Variants in USP34 observed in about 807,000 individuals in gnomAD.
USP34 encodes the protein ubiquitin carboxyl-terminal hydrolase 34.
Under a neutral mutation model 460.3 loss-of-function variants are expected in USP34, and 70 were observed. That is an observed-to-expected ratio of 0.15 (90% CI 0.13 to 0.19). USP34 has a LOEUF of 0.19. Among genes scored for constraint, USP34 ranks in the 10% least tolerant of loss-of-function variants. The probability of loss-of-function intolerance (pLI) is 1.00; values close to 1 mark genes in which losing one functional copy is unlikely to be tolerated. For missense variants in USP34, 3,985 were observed against 4,236.2 expected, an observed-to-expected ratio of 0.94 and a Z score of 1.65; for synonymous variants, 1,647 against 1,405.3, an observed-to-expected ratio of 1.17 and a Z score of -3.85.
At chr2:61,194,670 T>G (rs1349922331) in intron 75 of USP34, among the ~76,000 whole-genome samples, 1 of 152,180 alleles carries the variant, frequency 6.6e-6, no homozygotes, top group African/African-American at 2.4e-5. Context: ...AAAAAATATT[T>G]TGGGGCCAGG....
chr2:61,350,504 G>C (rs1691912546), intron 11 of USP34, 64 bp downstream of exon 11: 7 of 1,547,116 alleles, frequency 4.5e-6, no homozygotes, highest in Non-Finnish European at 1.7e-6. Flanking sequence ...TAAATTATCT[G>C]AATCACAAGG....
intron 1 of USP34, among the ~76,000 whole-genome samples, chr2:61,470,405 G>A (rs898034516): frequency 6.6e-6 from 1 of 151,526 alleles, no homozygotes; most frequent in South Asian, 2.1e-4. Flanking sequence ...AGAGCCCAGA[G>A]CGCCCGGGCC....
At chr2:61,342,783 C>T (rs1159748874) in intron 16 of USP34, among the ~76,000 whole-genome samples, 1 of 152,136 alleles carries the variant, frequency 6.6e-6, no homozygotes, top group Admixed American at 6.6e-5. Context: ...ATTCTGTCTA[C>T]AATGGGTTGT....
chr2:61,260,869 G>A (rs1463267823), intron 43 of USP34, among the ~76,000 whole-genome samples: 2 of 152,150 alleles, frequency 1.3e-5, no homozygotes, highest in African/African-American at 4.8e-5. Flanking sequence ...CTAAAGAGCT[G>A]CCTAAATTTA....
At chr2:61,332,770 T>G (rs898918746) in intron 19 of USP34, among the ~76,000 whole-genome samples, 4 of 151,756 alleles carry the variant, frequency 2.6e-5, no homozygotes, top group Non-Finnish European at 5.9e-5. Context: ...AAACAGAACC[T>G]TCACTGGATT....
intron 75 of USP34, among the ~76,000 whole-genome samples, chr2:61,197,029 C>T (rs1046729214): frequency 3.9e-5 from 6 of 152,280 alleles, no homozygotes; most frequent in Non-Finnish European, 7.3e-5. Flanking sequence ...AATCCCAGGA[C>T]TTCGGGAGGC....
rs1689037604 is a variant in USP34, at chr2:61,266,138, C to T, written c.5463G>A (p.Leu1821=). The T allele has an allele frequency of 6.2e-7, 1 of 1,611,988 alleles. No individual in the cohort carries two copies. The highest frequency in any genetic ancestry group is 8.5e-7 in the Non-Finnish European group (1 of 1,178,478). The change falls in exon 42 of 80, where the codon CTG becomes CTA. Residue 1821 remains leucine, a synonymous_variant. Coordinates refer to ENST00000398571, the MANE Select transcript of USP34 (RefSeq NM_014709.4). ...QEFLRDIFNL[L]FLLPSLKDRQ... is the part of the protein sequence containing the mutation. ...GGTCCTTTAGACTTGGCAACAAAAA[C>T]AGGAGATTGAAGATATCTCTCAAAA...
At chr2:61,448,638 TC>T in intron 1 of USP34, among the ~76,000 whole-genome samples, 1 of 152,220 alleles carries the variant, frequency 6.6e-6, no homozygotes. Context: ...AGAAACTGTT[TC>T]CATCCATAGA....
At chr2:61,252,579 C>G (rs1419016394) in intron 48 of USP34, among the ~76,000 whole-genome samples, 1 of 151,958 alleles carries the variant, frequency 6.6e-6, no homozygotes, top group Non-Finnish European at 1.5e-5. Context: ...TTATTTAAAC[C>G]AAGAACACAG....
intron 29 of USP34, among the ~76,000 whole-genome samples, chr2:61,298,019 G>C (rs1204211250): frequency 1.3e-5 from 2 of 152,060 alleles, no homozygotes; most frequent in African/African-American, 2.4e-5. Context: ...CCATTAAAAA[G>C]AGAAATATTG....
intron 50 of USP34, among the ~76,000 whole-genome samples, chr2:61,245,916 T>C (rs2103869137): frequency 6.6e-6 from 1 of 152,174 alleles, no homozygotes; most frequent in South Asian, 2.1e-4. Flanking sequence ...ATTAACTTGA[T>C]AAAAGGATAA....
At position 61,378,433 on chromosome 2, in the gene USP34, A is replaced by G. The variant is rs558964790; in HGVS notation, c.1015-9T>C. 1.1e-5 allele frequency: 18 copies of G among 1,575,476 alleles called. No homozygotes were observed. The African/African-American group carries it at 1.4e-4, about 12-fold the overall frequency. The stretch of plus-strand genomic sequence containing the variant: ...AAGGTATGGAGTTGATTCTATGATT[A>G]AAGACAAGAAATTAAGGGTTTTTAT... On this transcript the variant is annotated splice_polypyrimidine_tract_variant and intron_variant, in intron 7 of 79. Transcript: ENST00000398571.
At chr2:61,350,785 G>A in intron 10 of USP34, 92 bp from the exon 11 acceptor site, 10 of 1,348,710 alleles carry the variant, frequency 7.4e-6, no homozygotes, top group South Asian at 1.6e-5. Flanking sequence ...TCAAAAAGTT[G>A]GCCAGTACAC....
intron 1 of USP34, among the ~76,000 whole-genome samples, chr2:61,452,125 G>C (rs1280648038): frequency 1.3e-5 from 2 of 148,302 alleles, no homozygotes; most frequent in Admixed American, 1.4e-4. Context: ...AGTGAGCCGA[G>C]ATCATGCCAC....
At chr2:61,229,025 A>G (rs1687809158) in intron 59 of USP34, 30 bp from the exon 60 acceptor site, 2 of 1,489,654 alleles carry the variant, frequency 1.3e-6, no homozygotes, top group Non-Finnish European at 1.8e-6. Context: ...ATCTTAGAGA[A>G]TGTATGAGGT....
intron 53 of USP34, among the ~76,000 whole-genome samples, chr2:61,236,643 G>A (rs1174527305): frequency 6.6e-6 from 1 of 152,116 alleles, no homozygotes; most frequent in Non-Finnish European, 1.5e-5. Context: ...AATGCTGCAA[G>A]AATTCTGAAA....
chr2:61,198,557 CT>C (rs11340973), intron 75 of USP34, among the ~76,000 whole-genome samples: 19,684 of 139,326 alleles, frequency 0.14, 1,328 homozygotes, highest in Non-Finnish European at 0.16. Context: ...ATCTGATAGA[CT>C]TTTTTTTTTT....
chr2:61,291,545 T>C (rs2103977591), intron 33 of USP34, among the ~76,000 whole-genome samples: 1 of 152,344 alleles, frequency 6.6e-6, no homozygotes, highest in Non-Finnish European at 1.5e-5. Flanking sequence ...CAGCTGTGAC[T>C]GAACAAACAT....
intron 2 of USP34, chr2:61,416,820 T>TGGGG (rs1246172627): frequency 3.5e-4 from 96 of 274,940 alleles, no homozygotes; most frequent in Middle Eastern, 8.1e-4. Context: ...CTTTTTTTTT[T>TGGGG]TGGGGGGGGG....
Sources: gnomAD v4.1 joint callset for allele counts (sites outside exome capture counted in the v4.1 genomes callset) on GRCh38, gnomAD v4.1.1 for gene constraint, MANE v1.5 for transcripts, NCBI Gene and HGNC (gene_info 2026-07-23, HGNC 2026-07-21) for gene names.